Variants in SLC24A3 observed in about 807,000 individuals in gnomAD.
SLC24A3 encodes sodium/potassium/calcium exchanger 3.
SLC24A3 carries 28 observed loss-of-function variants against 75.8 expected under a neutral mutation model. That is an observed-to-expected ratio of 0.37 (90% CI 0.27 to 0.51). The LOEUF (loss-of-function observed/expected upper bound fraction) is 0.51. Among genes scored for constraint, SLC24A3 ranks in the 20% least tolerant of loss-of-function variants. SLC24A3 has a pLI of 0.94. For missense variants in SLC24A3, 663 were observed against 847.8 expected, an observed-to-expected ratio of 0.78 and a Z score of 2.71; for synonymous variants, 372 against 334.1, an observed-to-expected ratio of 1.11 and a Z score of -1.24.
At chr20:19,712,879 G>A (rs1378859540) in intron 15 of SLC24A3, among the ~76,000 whole-genome samples, 2 of 152,154 alleles carry the variant, frequency 1.3e-5, no homozygotes, top group Non-Finnish European at 2.9e-5. Flanking sequence ...AAGAGTACAC[G>A]CTGCAGGATT....
intron 1 of SLC24A3, among the ~76,000 whole-genome samples, chr20:19,243,568 G>A (rs932949085): frequency 2.0e-5 from 3 of 152,150 alleles, no homozygotes; most frequent in Non-Finnish European, 2.9e-5. Flanking sequence ...GGAGAACATG[G>A]GTAGGTAATT....
At chr20:19,402,623 G>T (rs1006061730) in intron 2 of SLC24A3, among the ~76,000 whole-genome samples, 2 of 152,216 alleles carry the variant, frequency 1.3e-5, no homozygotes, top group Non-Finnish European at 1.5e-5. Context: ...AATCTATTGG[G>T]CAGAAGGAAA....
intron 3 of SLC24A3, among the ~76,000 whole-genome samples, chr20:19,571,891 C>T (rs1294852895): frequency 6.6e-6 from 1 of 152,158 alleles, no homozygotes; most frequent in Non-Finnish European, 1.5e-5. Flanking sequence ...TCACAATCTT[C>T]CTTAACTCAC....
chr20:19,382,790 A>G (rs1214900473), intron 2 of SLC24A3, among the ~76,000 whole-genome samples: 1 of 152,200 alleles, frequency 6.6e-6, no homozygotes, highest in Non-Finnish European at 1.5e-5. Context: ...GGGTTTGAAG[A>G]GGATTCAAGC....
intron 2 of SLC24A3, among the ~76,000 whole-genome samples, chr20:19,458,718 T>G (rs778084585): frequency 6.6e-6 from 1 of 152,242 alleles, no homozygotes; most frequent in South Asian, 2.1e-4. Context: ...TATTCCATTT[T>G]ATATACATCC....
rs539244302 is a variant in SLC24A3 at position 19,560,144 on chromosome 20, T to G, written c.349-19856T>G. Among the ~76,000 whole-genome samples the G allele has an allele frequency of 9.9e-5, 15 of 151,694 alleles. No individual in the cohort carries two copies. The South Asian group carries it at 2.9e-3, about 30-fold the overall frequency. ...AGGAGTGATCCCCAGGAGTCAAAAG[T>G]GAGGGAGTGAGAGAAATGAGACGGA... On this transcript the variant is annotated intron_variant, in intron 3 of 16. Transcript: ENST00000328041.
rs545880807 is a variant in SLC24A3 at position 19,649,788 on chromosome 20, C to A, written c.613-4274C>A. ...GTAGTATAGTGTCTGGGAACAGGGA[C>A]CCAAGGCCCAGGCTTCCTGGATTCA... On this transcript the variant is annotated intron_variant, in intron 6 of 16. Coordinates refer to ENST00000328041, the MANE Select transcript of SLC24A3 (RefSeq NM_020689.4). Among the ~76,000 whole-genome samples the A allele has an allele frequency of 2.6e-5, 4 of 152,286 alleles. No homozygotes were observed. The East Asian group carries it at 7.7e-4, about 29-fold the overall frequency.
chr20:19,237,282 T>C (rs1410793162), intron 1 of SLC24A3, among the ~76,000 whole-genome samples: 1 of 152,154 alleles, frequency 6.6e-6, no homozygotes, highest in Non-Finnish European at 1.5e-5. Context: ...GGTCAGTGTC[T>C]GGTGTGGATG....
At chr20:19,684,980 C>T in intron 11 of SLC24A3, 120 bp from the exon 12 acceptor site, 2 of 1,309,348 alleles carry the variant, frequency 1.5e-6, no homozygotes, top group East Asian at 2.4e-5. Flanking sequence ...AAACTTGACT[C>T]CAGGGTCTTC....
rs114993078 is a variant in SLC24A3 at position 19,592,212 on chromosome 20, A to T, written c.612+6668A>T. 1.3e-3 allele frequency among the ~76,000 whole-genome samples: 198 copies of T among 152,362 alleles called. 1 individual carries two copies. The highest frequency in any genetic ancestry group is 4.2e-3 in the African/African-American group (173 of 41,582). On this transcript the variant is annotated intron_variant, in intron 6 of 16. Coordinates refer to ENST00000328041, the MANE Select transcript of SLC24A3 (RefSeq NM_020689.4). ...TTAATTTGCATTTCCCTGACGAGCC[A>T]TAATGTTGGGCATTTTTTAACAGGC...
intron 2 of SLC24A3, among the ~76,000 whole-genome samples, chr20:19,459,876 G>A (rs1476540180): frequency 6.6e-6 from 1 of 152,130 alleles, no homozygotes; most frequent in East Asian, 1.9e-4. Flanking sequence ...GCCCTTCCTT[G>A]CCTCTGCTAC....
At chr20:19,335,398 G>GT (rs945391898) in intron 2 of SLC24A3, among the ~76,000 whole-genome samples, 4 of 152,180 alleles carry the variant, frequency 2.6e-5, no homozygotes, top group African/African-American at 7.2e-5. Context: ...AAATTCAACA[G>GT]TTTTTTCGAG....
At chr20:19,328,024 G>T (rs895624485) in intron 2 of SLC24A3, among the ~76,000 whole-genome samples, 4 of 152,310 alleles carry the variant, frequency 2.6e-5, no homozygotes, top group East Asian at 1.9e-4. Flanking sequence ...AAGTTGGGGG[G>T]AGTTTGGAGG....
intron 1 of SLC24A3, among the ~76,000 whole-genome samples, chr20:19,222,046 T>C (rs543623336): frequency 1.3e-5 from 2 of 152,328 alleles, no homozygotes; most frequent in Non-Finnish European, 2.9e-5. Flanking sequence ...CTCATCCTTT[T>C]GCTCTAATTT....
At chr20:19,670,317 A>C (rs1179786054) in intron 8 of SLC24A3, among the ~76,000 whole-genome samples, 1 of 152,122 alleles carries the variant, frequency 6.6e-6, no homozygotes, top group East Asian at 1.9e-4. Context: ...GGCCTCCTAG[A>C]GCCCACTGGG....
At chr20:19,392,737 A>G (rs962826527) in intron 2 of SLC24A3, among the ~76,000 whole-genome samples, 5 of 152,216 alleles carry the variant, frequency 3.3e-5, no homozygotes, top group African/African-American at 1.2e-4. Flanking sequence ...TGTATCAACC[A>G]TTGACCTGTA....
At chr20:19,285,470 C>T (rs1364188847) in intron 2 of SLC24A3, among the ~76,000 whole-genome samples, 14 of 112,398 alleles carry the variant, frequency 1.2e-4, no homozygotes, top group Non-Finnish European at 2.5e-4. Flanking sequence ...AGAATGAGAC[C>T]CTGTCTCAAA....
Position 19,632,615 on chromosome 20 carries a change from G to A in SLC24A3, c.613-21447G>A, listed in dbSNP as rs148382717. Among the ~76,000 whole-genome samples the A allele has an allele frequency of 8.1e-4, 124 of 152,294 alleles. 1 individual carries two copies. The highest frequency in any genetic ancestry group is 3.9e-3 in the Admixed American group (59 of 15,302). ...CTGCAAAGTCTCACTTACAATGTAA[G>A]CTAACATATCATCAGATTCCAGGGA... On this transcript the variant is annotated intron_variant, in intron 6 of 16. Coordinates refer to ENST00000328041, the MANE Select transcript of SLC24A3 (RefSeq NM_020689.4).
rs147010777 is a variant in SLC24A3 at position 19,322,247 on chromosome 20, G to C, written c.271+41160G>C. Among the ~76,000 whole-genome samples the C allele has an allele frequency of 3.3e-5, 5 of 152,130 alleles. No homozygotes were observed. The East Asian group carries it at 9.7e-4, about 29-fold the overall frequency. ...TTTATTATAGCAGGGTGTGCAAAAT[G>C]GTGATTTTCCTATTCAATCATTTCT... On this transcript the variant is annotated intron_variant, in intron 2 of 16. Transcript: ENST00000328041.
Sources: gnomAD v4.1 joint callset for allele counts (sites outside exome capture counted in the v4.1 genomes callset) on GRCh38, gnomAD v4.1.1 for gene constraint, MANE v1.5 for transcripts, NCBI Gene and HGNC (gene_info 2026-07-23, HGNC 2026-07-21) for gene names.